Variants in NAV2 observed in about 807,000 individuals in gnomAD.
NAV2 encodes neuron navigator 2.
In NAV2, 54 loss-of-function variants were observed where a neutral mutation model predicts 223.2. The observed-to-expected ratio is 0.24, with a 90% CI of 0.19 to 0.30. The LOEUF (loss-of-function observed/expected upper bound fraction) is 0.30, where lower values mean the gene tolerates loss of function less well. NAV2 is among the 10% of genes least tolerant of loss of function. The pLI is 1.00. For missense variants in NAV2, 2,806 were observed against 3,147.5 expected (o/e 0.89, Z 2.60); for synonymous variants, 1,279 against 1,239.3 (o/e 1.03, Z -0.67).
At chr11:19,916,206 G>T (rs898674602) in intron 6 of NAV2, among the ~76,000 whole-genome samples, 1 of 152,152 alleles carries the variant, frequency 6.6e-6, no homozygotes, top group Admixed American at 6.5e-5. Flanking sequence ...TGTACCAAAA[G>T]CCAGTAACAT....
intron 1 of NAV2, among the ~76,000 whole-genome samples, chr11:19,431,340 CAG>C (rs1294036386): frequency 2.6e-5 from 4 of 152,134 alleles, no homozygotes; most frequent in Non-Finnish European, 5.9e-5. Flanking sequence ...GGAAGTGTGA[CAG>C]GGCACTGCAG....
chr11:19,810,952 C>A (rs1318210902), intron 1 of NAV2, among the ~76,000 whole-genome samples: 1 of 152,148 alleles, frequency 6.6e-6, no homozygotes, highest in Non-Finnish European at 1.5e-5. Context: ...CTGTCAACTC[C>A]CTCAAGACAA....
intron 1 of NAV2, among the ~76,000 whole-genome samples, chr11:19,629,883 G>A (rs1018612425): frequency 3.9e-5 from 6 of 152,092 alleles, no homozygotes; most frequent in Admixed American, 1.3e-4. Flanking sequence ...TAAGTCCTCC[G>A]TTCCCAAAGT....
intron 6 of NAV2, among the ~76,000 whole-genome samples, chr11:19,905,692 C>T (rs925245710): frequency 2.0e-5 from 3 of 152,102 alleles, no homozygotes; most frequent in African/African-American, 7.2e-5. Flanking sequence ...CAGTGAATAC[C>T]TGTGAGGGAG....
chr11:19,850,551 A>T (rs1590878212), intron 3 of NAV2, among the ~76,000 whole-genome samples: 1 of 152,150 alleles, frequency 6.6e-6, no homozygotes, highest in African/African-American at 2.4e-5. Flanking sequence ...TGCTTTGAGC[A>T]CTCAGTATTA....
intron 1 of NAV2, among the ~76,000 whole-genome samples, chr11:19,494,612 C>T (rs187265338): frequency 3.2e-4 from 48 of 152,286 alleles, no homozygotes; most frequent in African/African-American, 9.4e-4. Context: ...ACGTTCTCAA[C>T]GCAGGTCATG....
intron 1 of NAV2, among the ~76,000 whole-genome samples, chr11:19,673,482 T>C (rs1451354024): frequency 6.6e-6 from 1 of 152,192 alleles, no homozygotes; most frequent in Non-Finnish European, 1.5e-5. Context: ...CCAGAGAAGT[T>C]TGATTCCAAA....
At chr11:19,999,429 C>T (rs1462042771) in intron 11 of NAV2, among the ~76,000 whole-genome samples, 9 of 152,344 alleles carry the variant, frequency 5.9e-5, no homozygotes, top group East Asian at 3.9e-4. Context: ...AGCACAATGG[C>T]GCAATCTCAG....
intron 1 of NAV2, among the ~76,000 whole-genome samples, chr11:19,379,089 A>G (rs958573002): frequency 4.6e-5 from 7 of 152,148 alleles, no homozygotes; most frequent in African/African-American, 1.2e-4. Flanking sequence ...GCCAAAGCTG[A>G]GTCTTGAAGG....
chr11:19,630,201 GA>G (rs1233492408), intron 1 of NAV2, among the ~76,000 whole-genome samples: 14 of 152,240 alleles, frequency 9.2e-5, no homozygotes, highest in Middle Eastern at 3.4e-3. Flanking sequence ...TCTGTATCTA[GA>G]ACTCATTAAA....
At chr11:19,395,973 TG>T (rs928177392) in intron 1 of NAV2, among the ~76,000 whole-genome samples, 7 of 152,336 alleles carry the variant, frequency 4.6e-5, no homozygotes, top group Non-Finnish European at 7.3e-5. Flanking sequence ...AGGAGAGTTT[TG>T]AGTTGGCCTC....
chr11:20,046,880 T>C (rs2057495823), intron 14 of NAV2, among the ~76,000 whole-genome samples: 1 of 152,036 alleles, frequency 6.6e-6, no homozygotes, highest in Non-Finnish European at 1.5e-5. Context: ...TTTCTTATCA[T>C]AAGAAAGAAT....
At chr11:19,806,575 G>C (rs1041687463) in intron 1 of NAV2, among the ~76,000 whole-genome samples, 1 of 152,192 alleles carries the variant, frequency 6.6e-6, no homozygotes, top group African/African-American at 2.4e-5. Context: ...TGTCAGCTTT[G>C]CTTCTTGTTA....
At chr11:20,044,852 C>G in intron 13 of NAV2, 116 bp from the exon 14 acceptor site, 1 of 786,062 alleles carries the variant, frequency 1.3e-6, no homozygotes. Context: ...GCTCTTTCCT[C>G]TGCCTCCCCA....
chr11:20,004,038 C>A (rs1003032465), intron 11 of NAV2, among the ~76,000 whole-genome samples: 1 of 152,098 alleles, frequency 6.6e-6, no homozygotes, highest in African/African-American at 2.4e-5. Flanking sequence ...CTGCATAAGC[C>A]CGTTCTCTTA....
Position 19,949,039 on chromosome 11 carries a change from T to C in NAV2, c.2604T>C (p.Asp868=). 1.2e-6 allele frequency: 2 copies of C among 1,613,436 alleles called. No individual in the cohort carries two copies. Among genetic ancestry groups the C allele is most frequent in the Middle Eastern group, 1.7e-4 (1 of 6,058 alleles). ...CCCCCGGCTACATGAGCGACGGGGATGTTCTGAGCAAGAACATCCGGACCG... is the reference window on the plus strand; with the variant it reads ...CCCCCGGCTACATGAGCGACGGGGACGTTCTGAGCAAGAACATCCGGACCG... The part of the protein sequence containing the change: ...MDAPGYMSDG[D]VLSKNIRTDD... Residue 868 remains aspartate, a synonymous_variant, in exon 10 of 38, where the codon GAT becomes GAC. Transcript: ENST00000349880.
chr11:20,029,140 G>A (rs1317451951), intron 11 of NAV2, among the ~76,000 whole-genome samples: 1 of 152,226 alleles, frequency 6.6e-6, no homozygotes, highest in African/African-American at 2.4e-5. Context: ...GTGCCCACTT[G>A]CCTTTGTACC....
Position 19,933,281 on chromosome 11 carries a change from C to T in NAV2, c.1037C>T (p.Ser346Leu), listed in dbSNP as rs775808548. The change falls in exon 7 of 38, where the codon TCG becomes TTG. Residue 346 changes from serine (S) to leucine (L), a missense_variant. By Grantham distance (145) the Ser-to-Leu change is moderately radical. Around this residue, in one of 4 missense-constraint regions of NAV2, gnomAD observed 1,167 missense variants for 1,180.5 expected, o/e 0.99. Coordinates refer to ENST00000349880, the MANE Select transcript of NAV2 (RefSeq NM_145117.5). This position sits in a 1 kb window ranked among gnomAD's most constrained non-coding sequence, Gnocchi z 4.3. ...ACCCCTACTAATTGCAGTACCTCCT[C>T]GGCCATCCCGCAGCCCGGTGCAGCC... The part of the protein sequence containing the change: ...SSTPTNCSTS[S>L]AIPQPGAATK... 3.2e-5 allele frequency: 51 copies of T among 1,613,354 alleles called. No homozygotes were observed. In the East Asian group the frequency reaches 3.6e-4, roughly 11 times the overall value.
intron 1 of NAV2, among the ~76,000 whole-genome samples, chr11:19,779,938 C>T (rs997688524): frequency 1.3e-5 from 2 of 152,202 alleles, no homozygotes; most frequent in Non-Finnish European, 2.9e-5. Flanking sequence ...CAGAATGAGG[C>T]CTGGGGCCAG....
Sources: allele counts gnomAD v4.1 joint callset (sites outside exome capture counted in the v4.1 genomes callset), GRCh38; gene constraint gnomAD v4.1.1; regional missense constraint gnomAD v4.1.1; non-coding constraint Gnocchi (gnomAD v3.1); transcripts MANE v1.5; gene names NCBI Gene and HGNC (gene_info 2026-07-23, HGNC 2026-07-21).